The following KLC1 variants were observed in gnomAD, a reference collection of about 807,000 sequenced individuals.
KLC1 encodes kinesin light chain 1, also known as kinesin 2 60/70kDa.
A neutral mutation model predicts 84.2 loss-of-function variants in KLC1; 30 were observed. That is an observed-to-expected ratio of 0.36 (90% CI 0.27 to 0.48). KLC1 has a LOEUF of 0.48. Ranked by LOEUF, KLC1 falls within the 20% of genes least tolerant of loss-of-function variation. The pLI, the probability that KLC1 is intolerant of heterozygous loss-of-function variation, is 0.99. For synonymous variants in KLC1, 289 were observed against 293.3 expected (o/e 0.99, Z 0.15); for missense variants, 499 against 805.4 (o/e 0.62, Z 4.60).
At chr14:103,651,908 G>A (rs1039171609) in intron 1 of KLC1, among the ~76,000 whole-genome samples, 10 of 152,168 alleles carry the variant, frequency 6.6e-5, no homozygotes, top group South Asian at 4.1e-4. Flanking sequence ...CCCCACCACC[G>A]TGTTCCGCCA....
At chr14:103,699,298 C>G (rs1038174944) in intron 15 of KLC1, 2 of 1,546,420 alleles carry the variant, frequency 1.3e-6, no homozygotes, top group Non-Finnish European at 8.7e-7. Context: ...ACCTCCAGAC[C>G]GGCTCTGCTT....
chr14:103,630,312 G>C (rs916086189), intron 1 of KLC1, among the ~76,000 whole-genome samples: 1 of 152,148 alleles, frequency 6.6e-6, no homozygotes, highest in Non-Finnish European at 1.5e-5. Flanking sequence ...AACATTTGTA[G>C]GTCATTTCTA....
intron 1 of KLC1, among the ~76,000 whole-genome samples, chr14:103,645,742 T>C (rs1222970231): frequency 2.0e-5 from 3 of 149,180 alleles, no homozygotes; most frequent in African/African-American, 7.4e-5. Context: ...AAAGATATAG[T>C]CAAAATAGGT....
chr14:103,681,047 G>A (rs900979548), intron 13 of KLC1, among the ~76,000 whole-genome samples: 9 of 152,114 alleles, frequency 5.9e-5, no homozygotes, highest in African/African-American at 1.9e-4. Flanking sequence ...TGTCGCTGCT[G>A]GGGATGAAAG....
chr14:103,666,149 C>T (rs998644036), intron 5 of KLC1, among the ~76,000 whole-genome samples: 2 of 151,576 alleles, frequency 1.3e-5, no homozygotes, highest in East Asian at 2.0e-4. Context: ...CTGCAAGCTC[C>T]GCCTCCCGGG....
In KLC1 at chr14:103,694,632, G is replaced by A; in HGVS notation, c.1848+2207G>A. 1 of 985,476 alleles carries A rather than the reference G, an allele frequency of 1.0e-6. No individual in the cohort carries two copies. The highest frequency in any genetic ancestry group is 1.2e-6 in the Non-Finnish European group (1 of 829,948). 61.0% of individuals were successfully genotyped at this position (985,476 alleles called of 1,614,324 possible). ...TGATTCCAAAGGCTGACGCTCAGCAGCGCCACCTCCATGCCAGCCAACTAG... is the reference window on the plus strand; with the variant it reads ...TGATTCCAAAGGCTGACGCTCAGCAACGCCACCTCCATGCCAGCCAACTAG... On this transcript the variant is annotated intron_variant, in intron 15 of 16. Coordinates refer to ENST00000334553, the MANE Select transcript of KLC1 (RefSeq NM_001394837.1). The surrounding 1 kb of genome is among the most constrained non-coding windows in gnomAD (Gnocchi z 4.5).
chr14:103,693,427 T>C lies in KLC1; in HGVS notation c.1848+1002T>C. ...GAGTTTCTACATGCACATTGACCCC[T>C]GGGCCTCTCGAGTGCCAACCTAGAT... On this transcript the variant is annotated intron_variant, in intron 15 of 16. Transcript: ENST00000334553. This position sits in a 1 kb window ranked among gnomAD's most constrained non-coding sequence, Gnocchi z 5.1. The C allele has an allele frequency of 6.9e-7, 1 of 1,450,844 alleles. No homozygotes were observed. The highest frequency in any genetic ancestry group is 1.4e-5 in the South Asian group (1 of 73,918). 89.9% of individuals were successfully genotyped at this position (1,450,844 alleles called of 1,614,324 possible).
intron 13 of KLC1, chr14:103,686,687 C>G (rs1458711235): frequency 3.1e-5 from 5 of 160,338 alleles, no homozygotes; most frequent in Admixed American, 2.4e-4. Context: ...GTTACTTGTA[C>G]CAGATGCTTA....
At chr14:103,686,243 G>T in intron 13 of KLC1, 1 of 985,564 alleles carries the variant, frequency 1.0e-6, no homozygotes, top group African/African-American at 1.7e-5. Context: ...CTTGGTGTCT[G>T]TCTGCTTGGT....
At chr14:103,680,234 T>C (rs528935947) in intron 13 of KLC1, among the ~76,000 whole-genome samples, 4 of 151,988 alleles carry the variant, frequency 2.6e-5, no homozygotes, top group East Asian at 1.9e-4. Context: ...CCATGTGGCC[T>C]TCTGGACATT....
At chr14:103,641,558 G>C (rs76157344) in intron 1 of KLC1, among the ~76,000 whole-genome samples, 2,612 of 152,194 alleles carry the variant, frequency 0.017, 68 homozygotes, top group African/African-American at 0.056. Flanking sequence ...CTCACATGGT[G>C]AAAAGAGTGT....
At chr14:103,670,827 A>C (rs1361361327) in intron 7 of KLC1, among the ~76,000 whole-genome samples, 1 of 151,094 alleles carries the variant, frequency 6.6e-6, no homozygotes, top group Non-Finnish European at 1.5e-5. Flanking sequence ...TCATGCTTGT[A>C]ATCCCAGCAC....
chr14:103,653,082 G>T (rs993377963), intron 1 of KLC1, among the ~76,000 whole-genome samples: 2 of 152,218 alleles, frequency 1.3e-5, no homozygotes, highest in African/African-American at 4.8e-5. Flanking sequence ...GACTTTCTGG[G>T]CCAGGAGCTG....
At chr14:103,661,949 G>C (rs1478605311) in intron 3 of KLC1, among the ~76,000 whole-genome samples, 167 bp from the exon 4 acceptor site, 1 of 152,136 alleles carries the variant, frequency 6.6e-6, no homozygotes, top group Non-Finnish European at 1.5e-5. Flanking sequence ...CATTACTCCT[G>C]TTCAACTGAT....
At chr14:103,665,840 C>T (rs1014328704) in intron 5 of KLC1, among the ~76,000 whole-genome samples, 2 of 152,242 alleles carry the variant, frequency 1.3e-5, no homozygotes, top group African/African-American at 4.8e-5. Context: ...AAGGCTGTGT[C>T]TGCCCATGCT....
chr14:103,659,592 T>C (rs2079117008), intron 3 of KLC1, among the ~76,000 whole-genome samples: 1 of 152,214 alleles, frequency 6.6e-6, no homozygotes. Context: ...CCACATTGCA[T>C]TTGGAACTAA....
intron 7 of KLC1, among the ~76,000 whole-genome samples, chr14:103,671,190 T>TA (rs2080357171): frequency 6.6e-6 from 1 of 152,154 alleles, no homozygotes; most frequent in Non-Finnish European, 1.5e-5. Context: ...TAACTAAAGA[T>TA]TAACTCAGAG....
chr14:103,697,091 G>T, intron 15 of KLC1: 1 of 985,462 alleles, frequency 1.0e-6, no homozygotes, highest in Non-Finnish European at 1.2e-6. Flanking sequence ...GTCTTGCCTA[G>T]AAAAGCATTT....
intron 13 of KLC1, among the ~76,000 whole-genome samples, chr14:103,680,040 T>C (rs1280951091): frequency 6.6e-6 from 1 of 152,250 alleles, no homozygotes; most frequent in Non-Finnish European, 1.5e-5. Flanking sequence ...GCTCTCTTGA[T>C]GTCCTGCCTC....
Sources: gnomAD v4.1 joint callset for allele counts (sites outside exome capture counted in the v4.1 genomes callset) on GRCh38, gnomAD v4.1.1 for gene constraint, Gnocchi (gnomAD v3.1) non-coding constraint, MANE v1.5 for transcripts, NCBI Gene and HGNC (gene_info 2026-07-23, HGNC 2026-07-21) for gene names.